Variants in GPC6 observed in about 807,000 individuals in gnomAD.
GPC6 encodes glypican-6.
Under a neutral mutation model 55.2 loss-of-function variants are expected in GPC6, and 14 were observed. That is an observed-to-expected ratio of 0.25 (90% CI 0.17 to 0.40). GPC6 has a LOEUF of 0.40. Ranked by LOEUF, GPC6 falls within the 10% of genes least tolerant of loss-of-function variation. GPC6 has a pLI of 1.00. For missense variants in GPC6, 641 were observed against 708.5 expected, an observed-to-expected ratio of 0.90 and a Z score of 1.08; for synonymous variants, 278 against 259.6, an observed-to-expected ratio of 1.07 and a Z score of -0.68.
Position 94,108,496 on chromosome 13 carries a change from A to C in GPC6, c.877+80602A>C, listed in dbSNP as rs138071555. 5.4e-3 allele frequency among the ~76,000 whole-genome samples: 824 copies of C among 152,222 alleles called. 10 individuals carry two copies. The highest frequency in any genetic ancestry group is 0.019 in the African/African-American group (786 of 41,534). On this transcript the variant is annotated intron_variant, in intron 4 of 8. Coordinates refer to ENST00000377047, the MANE Select transcript of GPC6 (RefSeq NM_005708.5). ...CACCACTAAGGAACTTACTCATGTA[A>C]CCAAATGCCACCTATTCCCCAAAAA...
At chr13:93,377,132 G>A (rs912595406) in intron 1 of GPC6, among the ~76,000 whole-genome samples, 4 of 152,180 alleles carry the variant, frequency 2.6e-5, no homozygotes, top group Non-Finnish European at 5.9e-5. Flanking sequence ...GGCTACAAGT[G>A]CAGAAAGACA....
intron 1 of GPC6, among the ~76,000 whole-genome samples, chr13:93,250,516 C>T (rs537343876): frequency 6.6e-6 from 1 of 152,294 alleles, no homozygotes; most frequent in East Asian, 1.9e-4. Context: ...ACTCAACTGG[C>T]CTCTGGCCCA....
intron 2 of GPC6, among the ~76,000 whole-genome samples, chr13:93,754,253 G>C (rs531382541): frequency 6.6e-6 from 1 of 152,284 alleles, no homozygotes; most frequent in Non-Finnish European, 1.5e-5. Context: ...GCTCCAAAGA[G>C]AGGACATTAG....
At chr13:93,931,929 G>C (rs923035475) in intron 3 of GPC6, among the ~76,000 whole-genome samples, 1 of 152,128 alleles carries the variant, frequency 6.6e-6, no homozygotes, top group African/African-American at 2.4e-5. Context: ...AGTTGCTGAG[G>C]AGCACACAGC....
chr13:94,051,695 C>T (rs952506800), intron 4 of GPC6, among the ~76,000 whole-genome samples: 1 of 151,986 alleles, frequency 6.6e-6, no homozygotes, highest in Admixed American at 6.6e-5. Flanking sequence ...ATAATTGTTT[C>T]TTTCATTAAA....
intron 4 of GPC6, among the ~76,000 whole-genome samples, chr13:94,062,237 TTTTTGTTTTG>T (rs527802804): frequency 6.6e-6 from 1 of 151,796 alleles, no homozygotes; most frequent in African/African-American, 2.4e-5. Flanking sequence ...ATTTCTGTTT[TTTTTGTTTTG>T]TTTTGTTTTG....
chr13:94,266,320 C>T (rs999403971), intron 4 of GPC6, among the ~76,000 whole-genome samples: 4 of 152,122 alleles, frequency 2.6e-5, no homozygotes, highest in East Asian at 1.9e-4. Flanking sequence ...AGGCGCCCGC[C>T]ACCACTTCTG....
chr13:93,439,823 G>A (rs990236338), intron 1 of GPC6, among the ~76,000 whole-genome samples: 3 of 152,120 alleles, frequency 2.0e-5, no homozygotes, highest in East Asian at 1.9e-4. Flanking sequence ...CCTCTTCTAC[G>A]CATCTTGTTT....
At chr13:93,880,943 G>A (rs1201614797) in intron 3 of GPC6, among the ~76,000 whole-genome samples, 1 of 149,976 alleles carries the variant, frequency 6.7e-6, no homozygotes, top group Admixed American at 6.6e-5. Context: ...AAAAAGGAAA[G>A]AATTTCAAAA....
chr13:93,889,579 C>T (rs535695924), intron 3 of GPC6, among the ~76,000 whole-genome samples: 3 of 152,116 alleles, frequency 2.0e-5, no homozygotes, highest in Non-Finnish European at 4.4e-5. Context: ...CTAGGTATCA[C>T]TAAGATTACA....
intron 1 of GPC6, among the ~76,000 whole-genome samples, chr13:93,370,806 A>C (rs1881421151): frequency 6.6e-6 from 1 of 152,192 alleles, no homozygotes. Context: ...TTTATTGTTT[A>C]TCAAACATTT....
intron 2 of GPC6, among the ~76,000 whole-genome samples, chr13:93,606,551 C>T (rs1368723578): frequency 3.3e-5 from 5 of 152,142 alleles, no homozygotes; most frequent in Admixed American, 1.3e-4. Flanking sequence ...GCAGTAGAGG[C>T]ACATTTAAGT....
chr13:93,993,894 C>A (rs1156787721), intron 3 of GPC6, among the ~76,000 whole-genome samples: 1 of 152,084 alleles, frequency 6.6e-6, no homozygotes, highest in Non-Finnish European at 1.5e-5. Flanking sequence ...CAGGAAAACC[C>A]CATACTGTAT....
Position 94,316,027 on chromosome 13 carries a change from C to T in GPC6, c.1152+9904C>T, listed in dbSNP as rs138008986. 8.3e-3 allele frequency among the ~76,000 whole-genome samples: 1,262 copies of T among 152,280 alleles called. 18 individuals are homozygous for T. The highest frequency in any genetic ancestry group is 0.029 in the African/African-American group (1,201 of 41,542). On this transcript the variant is annotated intron_variant, in intron 6 of 8. Transcript: ENST00000377047. Reference sequence around the variant, plus strand: ...AGACAATTCCTCTTCTTCCAAAAAACGGCCCAGGGAAGCCAAAAGATTGGA... The same window carrying T: ...AGACAATTCCTCTTCTTCCAAAAAATGGCCCAGGGAAGCCAAAAGATTGGA...
At chr13:93,462,883 C>T (rs563528366) in intron 1 of GPC6, among the ~76,000 whole-genome samples, 118 of 152,164 alleles carry the variant, frequency 7.8e-4, no homozygotes, top group African/African-American at 2.7e-3. Flanking sequence ...TTCCTTTTCC[C>T]GTGCCCTGCC....
intron 2 of GPC6, among the ~76,000 whole-genome samples, chr13:93,626,051 C>T (rs1296122531): frequency 1.3e-5 from 2 of 151,936 alleles, no homozygotes; most frequent in African/African-American, 4.8e-5. Context: ...GAAATTTGAG[C>T]GTAATAAGAA....
At chr13:93,456,790 G>T (rs781756915) in intron 1 of GPC6, among the ~76,000 whole-genome samples, 1 of 152,202 alleles carries the variant, frequency 6.6e-6, no homozygotes, top group South Asian at 2.1e-4. Context: ...TGGTTTGTGG[G>T]CAATTTCTGG....
intron 2 of GPC6, among the ~76,000 whole-genome samples, chr13:93,616,416 C>T (rs997470353): frequency 6.6e-6 from 1 of 152,022 alleles, no homozygotes; most frequent in Admixed American, 6.6e-5. Context: ...ATCATTGATA[C>T]CAGTTTGTTT....
chr13:94,350,081 G>GTGTGTGTGTGTGTT (rs1293589455), intron 6 of GPC6, among the ~76,000 whole-genome samples: 1 of 151,866 alleles, frequency 6.6e-6, no homozygotes, highest in Non-Finnish European at 1.5e-5. Context: ...TCTTTTGTGT[G>GTGTGTGTGTGTGTT]TGTGTGTGTG....
Sources: allele counts gnomAD v4.1 joint callset (sites outside exome capture counted in the v4.1 genomes callset), GRCh38; gene constraint gnomAD v4.1.1; transcripts MANE v1.5; gene names NCBI Gene and HGNC (gene_info 2026-07-23, HGNC 2026-07-21).